OSBPL9: variants seen among roughly 807,000 people sequenced by gnomAD.
The protein encoded by OSBPL9 is oxysterol binding protein like 9, also known as oxysterol-binding protein-related protein 9.
OSBPL9 carries 40 observed loss-of-function variants against 106.6 expected under a neutral mutation model. The observed-to-expected ratio is 0.38, with a 90% CI of 0.29 to 0.49. OSBPL9 has a LOEUF of 0.49. Ranked by LOEUF, OSBPL9 falls within the 20% of genes least tolerant of loss-of-function variation. OSBPL9 has a pLI of 0.97. For missense variants in OSBPL9, 609 were observed against 887.2 expected (o/e 0.69, Z 3.98); for synonymous variants, 269 against 295.4 (o/e 0.91, Z 0.92).
At chr1:51,631,145 C>G (rs925121578) in intron 1 of OSBPL9, among the ~76,000 whole-genome samples, 11 of 152,252 alleles carry the variant, frequency 7.2e-5, no homozygotes, top group African/African-American at 2.4e-4. Context: ...GAGCTGTCCT[C>G]TTGTGCTGAG....
At chr1:51,621,162 T>C (rs1570586390) in intron 1 of OSBPL9, among the ~76,000 whole-genome samples, 1 of 152,202 alleles carries the variant, frequency 6.6e-6, no homozygotes, top group South Asian at 2.1e-4. Flanking sequence ...TCCTCCTCTA[T>C]TGAATTATTT....
chr1:51,784,884 C>G, intron 20 of OSBPL9: 1 of 357,648 alleles, frequency 2.8e-6, no homozygotes, highest in Non-Finnish European at 5.1e-6. Context: ...CTAATTTATT[C>G]TTGCCAGATT....
At chr1:51,582,717 A>G (rs936194924) in intron 1 of OSBPL9, 1 of 152,186 alleles carries the variant, frequency 6.6e-6, no homozygotes. Flanking sequence ...TCAGGCAGTG[A>G]ACAAAATCAA....
At chr1:51,742,308 A>AG (rs1667102325) in intron 4 of OSBPL9, among the ~76,000 whole-genome samples, 1 of 152,190 alleles carries the variant, frequency 6.6e-6, no homozygotes, top group South Asian at 2.1e-4. Context: ...CTTGTTCTCA[A>AG]AAGCTACTGT....
rs762419193 is a variant in OSBPL9, at chr1:51,782,599, A to G, written c.1469A>G (p.Asn490Ser). The change falls in exon 17 of 24, where the codon AAC becomes AGC. Residue 490 changes from asparagine to serine, a missense_variant. Asn to Ser is a conservative substitution (Grantham distance 46). Coordinates refer to ENST00000428468, the MANE Select transcript of OSBPL9 (RefSeq NM_024586.6). ...GGACCAGTTCCCTGGGTTTCCAAAAACAGTGTAACATTTGTGGCTGAGCAG... is the reference window on the plus strand; with the variant it reads ...GGACCAGTTCCCTGGGTTTCCAAAAGCAGTGTAACATTTGTGGCTGAGCAG... ...SEGPVPWVSK[N>S]SVTFVAEQVS... 8 of 1,613,994 alleles carry G rather than the reference A, an allele frequency of 5.0e-6. No individual in the cohort carries two copies. Among genetic ancestry groups the G allele is most frequent in the Non-Finnish European group, 6.8e-6 (8 of 1,179,990 alleles).
intron 12 of OSBPL9, among the ~76,000 whole-genome samples, chr1:51,768,860 C>T (rs544776411): frequency 3.5e-4 from 54 of 152,322 alleles, no homozygotes; most frequent in African/African-American, 1.3e-3. Flanking sequence ...AGTTCATGAA[C>T]ATCTCTTTGA....
At chr1:51,633,219 A>G (rs1322635969) in intron 1 of OSBPL9, among the ~76,000 whole-genome samples, 1 of 150,900 alleles carries the variant, frequency 6.6e-6, no homozygotes, top group Non-Finnish European at 1.5e-5. Flanking sequence ...TTGGCCTCCC[A>G]AAGTGCTGGG....
intron 16 of OSBPL9, among the ~76,000 whole-genome samples, chr1:51,782,053 AG>A (rs1460768228): frequency 1.3e-5 from 2 of 152,194 alleles, no homozygotes; most frequent in Non-Finnish European, 2.9e-5. Flanking sequence ...GCATAGCTAC[AG>A]AAGAGTAGGT....
chr1:51,673,336 A>T (rs951398309), intron 3 of OSBPL9, among the ~76,000 whole-genome samples: 25 of 152,354 alleles, frequency 1.6e-4, no homozygotes, highest in African/African-American at 6.0e-4. Flanking sequence ...GAGTGGAGAC[A>T]GTGCATTCAA....
chr1:51,678,290 T>TA (rs1651759268), intron 3 of OSBPL9, among the ~76,000 whole-genome samples: 1 of 152,152 alleles, frequency 6.6e-6, no homozygotes, highest in South Asian at 2.1e-4. Flanking sequence ...TTTTAAGCAT[T>TA]AAAAAATGTA....
intron 4 of OSBPL9, among the ~76,000 whole-genome samples, chr1:51,725,671 A>G (rs1662988439): frequency 6.6e-6 from 1 of 152,130 alleles, no homozygotes; most frequent in Non-Finnish European, 1.5e-5. Context: ...AGGGCTAGAG[A>G]GGACTGAAGT....
At chr1:51,732,137 C>G (rs914801558) in intron 4 of OSBPL9, among the ~76,000 whole-genome samples, 1 of 152,156 alleles carries the variant, frequency 6.6e-6, no homozygotes, top group Non-Finnish European at 1.5e-5. Context: ...TTTGGTTCAG[C>G]CAGGAAAGAG....
At chr1:51,721,421 T>TC (rs1557738900) in intron 4 of OSBPL9, among the ~76,000 whole-genome samples, 1 of 152,176 alleles carries the variant, frequency 6.6e-6, no homozygotes, top group African/African-American at 2.4e-5. Flanking sequence ...CCTTTTTTTT[T>TC]CCCAAAAGAA....
intron 4 of OSBPL9, among the ~76,000 whole-genome samples, chr1:51,714,555 G>A (rs1660683711): frequency 6.6e-6 from 1 of 152,146 alleles, no homozygotes; most frequent in Admixed American, 6.5e-5. Context: ...AGTAAATCTG[G>A]TTAGATGTGG....
At chr1:51,669,401 T>C in intron 2 of OSBPL9, 33 bp from the exon 3 acceptor site, 1 of 1,588,318 alleles carries the variant, frequency 6.3e-7, no homozygotes, top group East Asian at 2.2e-5. Flanking sequence ...TGTCATTGTT[T>C]GCCTTATTGG....
chr1:51,603,439 C>G (rs1196409168), intron 2 of OSBPL9, among the ~76,000 whole-genome samples: 1 of 152,214 alleles, frequency 6.6e-6, no homozygotes, highest in Non-Finnish European at 1.5e-5. Flanking sequence ...ATTTAGGGAA[C>G]TGGATGGGAC....
At chr1:51,551,771 T>A in the OSBPL9 span, among the ~76,000 whole-genome samples, 1 of 151,754 alleles carries the variant, frequency 6.6e-6, no homozygotes, top group Non-Finnish European at 1.5e-5. Flanking sequence ...TTTTGTATTT[T>A]TCATAGGGAT....
intron 2 of OSBPL9, among the ~76,000 whole-genome samples, chr1:51,602,681 A>G (rs1163027279): frequency 6.6e-6 from 1 of 151,902 alleles, no homozygotes; most frequent in Non-Finnish European, 1.5e-5. Context: ...CCTGGGCTCA[A>G]GGGATTCTCC....
intron 4 of OSBPL9, chr1:51,740,255 G>A: frequency 2.1e-6 from 3 of 1,462,682 alleles, no homozygotes; most frequent in African/African-American, 1.5e-5. Flanking sequence ...TCTTTCATTG[G>A]ATGAAAGCTT....
Sources: gnomAD v4.1 joint callset for allele counts (sites outside exome capture counted in the v4.1 genomes callset) on GRCh38, gnomAD v4.1.1 for gene constraint, MANE v1.5 for transcripts, NCBI Gene and HGNC (gene_info 2026-07-23, HGNC 2026-07-21) for gene names.